Variants in LRRIQ3 observed in about 807,000 individuals in gnomAD.
LRRIQ3 encodes the protein leucine rich repeats and IQ motif containing 3, also known as leucine-rich repeat and IQ domain-containing protein 3.
Under a neutral mutation model 59.3 loss-of-function variants are expected in LRRIQ3, and 75 were observed. That is an observed-to-expected ratio of 1.26 (90% confidence interval 1.05 to 1.53). The LOEUF is 1.53. Among genes scored for constraint, LRRIQ3 ranks in the 40% most tolerant of loss-of-function variants. The pLI is 0.00. For missense variants in LRRIQ3, 831 were observed against 710.0 expected (o/e 1.17, Z -1.94); for synonymous variants, 250 against 231.3 (o/e 1.08, Z -0.73).
At chr1:74,048,613 T>C (rs1240202894) in intron 6 of LRRIQ3, among the ~76,000 whole-genome samples, 2 of 152,196 alleles carry the variant, frequency 1.3e-5, no homozygotes, top group Non-Finnish European at 2.9e-5. Context: ...GCAAATTCTA[T>C]GGAAATTCAG....
At chr1:74,138,502 ATGTC>A (rs767278100) in intron 4 of LRRIQ3, 4 of 984,798 alleles carry the variant, frequency 4.1e-6, no homozygotes, top group Non-Finnish European at 4.8e-6. Flanking sequence ...GTCAAGTTGA[ATGTC>A]TGTTGTCTCA....
intron 3 of LRRIQ3, among the ~76,000 whole-genome samples, chr1:74,179,441 G>A (rs1268028813): frequency 6.6e-6 from 1 of 151,752 alleles, no homozygotes; most frequent in African/African-American, 2.4e-5. Context: ...CTATATTCAA[G>A]CTCTCCTTGA....
chr1:74,036,585 G>A (rs917858668), intron 7 of LRRIQ3, among the ~76,000 whole-genome samples: 10 of 152,064 alleles, frequency 6.6e-5, no homozygotes, highest in African/African-American at 9.7e-5. Flanking sequence ...TAATGTACCC[G>A]AAATTTTAAT....
intron 5 of LRRIQ3, among the ~76,000 whole-genome samples, chr1:74,092,532 A>T (rs1010510646): frequency 1.3e-5 from 2 of 152,018 alleles, no homozygotes; most frequent in African/African-American, 4.8e-5. Context: ...TTCACTTTGG[A>T]AGGCAGGCTA....
At chr1:74,116,168 T>G (rs1298126580) in intron 4 of LRRIQ3, among the ~76,000 whole-genome samples, 1 of 151,894 alleles carries the variant, frequency 6.6e-6, no homozygotes, top group Non-Finnish European at 1.5e-5. Flanking sequence ...GTACCCAATA[T>G]TAGAGAAATG....
chr1:74,033,616 A>C (rs1222500313), intron 7 of LRRIQ3, among the ~76,000 whole-genome samples: 8 of 152,030 alleles, frequency 5.3e-5, no homozygotes, highest in African/African-American at 1.9e-4. Flanking sequence ...CGGTAGGATA[A>C]AGATTGTTGG....
At chr1:74,185,809 G>T (rs1047058765) in intron 1 of LRRIQ3, among the ~76,000 whole-genome samples, 1 of 151,958 alleles carries the variant, frequency 6.6e-6, no homozygotes, top group African/African-American at 2.4e-5. Context: ...CGGACGTGGT[G>T]GCGGGCGCCT....
intron 3 of LRRIQ3, among the ~76,000 whole-genome samples, chr1:74,160,274 T>C (rs1439334199): frequency 6.6e-6 from 1 of 152,080 alleles, no homozygotes; most frequent in Non-Finnish European, 1.5e-5. Context: ...GCTCTATCAA[T>C]ACCTCTGTGC....
Position 74,109,474 on chromosome 1 carries a change from C to A in LRRIQ3, c.787G>T (p.Gly263Trp). 1.3e-6 allele frequency: 2 copies of A among 1,572,286 alleles called. No homozygotes were observed. Among genetic ancestry groups the A allele is most frequent in the South Asian group, 2.4e-5 (2 of 81,658 alleles). The change falls in exon 5 of 8, where the codon GGG becomes TGG. Residue 263 changes from glycine (G) to tryptophan (W), a missense_variant. Coordinates refer to ENST00000354431, the MANE Select transcript of LRRIQ3 (RefSeq NM_001105659.2). ...TCCTTAAGGAGCTTATCTTCATACC[C>A]TTTGGTTATGTAAATCCATTTTGCT... Reference protein sequence around the residue: ...YEAKWIYITKGYEDKLLKDLF... With the variant: ...YEAKWIYITKWYEDKLLKDLF...
At chr1:74,156,101 G>C (rs1161140336) in intron 3 of LRRIQ3, among the ~76,000 whole-genome samples, 1 of 152,078 alleles carries the variant, frequency 6.6e-6, no homozygotes, top group Non-Finnish European at 1.5e-5. Flanking sequence ...GATCATGGGG[G>C]CTGTTCCCTC....
chr1:74,176,439 A>G (rs1649643903), intron 3 of LRRIQ3, among the ~76,000 whole-genome samples: 1 of 151,064 alleles, frequency 6.6e-6, no homozygotes. Flanking sequence ...TTGGCATTGG[A>G]TTTCTTTGGG....
In LRRIQ3 at chr1:74,161,972, C is replaced by T. The variant is rs538054324; in HGVS notation, c.574-6106G>A. ...TGCATTCCCTCCATTAAAGAAGTGACGGCTCTGAAGAAAAACTACATTTGT... is the reference window on the plus strand; with the variant it reads ...TGCATTCCCTCCATTAAAGAAGTGATGGCTCTGAAGAAAAACTACATTTGT... On this transcript the variant is annotated intron_variant, in intron 3 of 7. Transcript: ENST00000354431. Among the ~76,000 whole-genome samples the T allele has an allele frequency of 3.8e-4, 57 of 151,812 alleles. 1 individual carries two copies. The South Asian group carries it at 9.6e-3, about 25-fold the overall frequency.
In LRRIQ3 at chr1:74,142,770, C is replaced by T. The variant is rs575599175; in HGVS notation, c.707+12963G>A. Among the ~76,000 whole-genome samples the T allele has an allele frequency of 2.6e-5, 4 of 152,044 alleles. No homozygotes were observed. The East Asian group carries it at 7.7e-4, about 29-fold the overall frequency. ...TGAATCATTAGGGCATGCGTCAAGG[C>T]CATGCCACTTATTTTTGCAGCTCCT... On this transcript the variant is annotated intron_variant, in intron 4 of 7. Transcript: ENST00000354431.
intron 1 of LRRIQ3, among the ~76,000 whole-genome samples, chr1:74,184,490 C>T (rs1457024288): frequency 6.6e-6 from 1 of 152,062 alleles, no homozygotes; most frequent in East Asian, 1.9e-4. Context: ...ATGGAAGAAT[C>T]GATTTCTACG....
At chr1:74,038,683 T>A (rs113755302) in intron 7 of LRRIQ3, among the ~76,000 whole-genome samples, 15 of 152,284 alleles carry the variant, frequency 9.9e-5, no homozygotes, top group Admixed American at 3.3e-4. Flanking sequence ...AGATGAATAG[T>A]GCTTGAAGCG....
At chr1:74,172,598 C>T (rs533021725) in intron 3 of LRRIQ3, among the ~76,000 whole-genome samples, 20 of 152,092 alleles carry the variant, frequency 1.3e-4, no homozygotes, top group Admixed American at 9.2e-4. Context: ...ATATTTGGCC[C>T]CCAGTGTTAT....
intron 4 of LRRIQ3, among the ~76,000 whole-genome samples, chr1:74,112,391 G>C (rs1646709255): frequency 6.6e-6 from 1 of 152,022 alleles, no homozygotes; most frequent in African/African-American, 2.4e-5. Flanking sequence ...AGACTAAAAA[G>C]GTAAACTGAA....
intron 6 of LRRIQ3, among the ~76,000 whole-genome samples, chr1:74,052,955 C>T (rs978468237): frequency 1.3e-5 from 2 of 151,934 alleles, no homozygotes; most frequent in Admixed American, 1.3e-4. Flanking sequence ...AATTCATATG[C>T]CAAAGAATGT....
At chr1:74,040,348 TTTAATAC>T (rs1654006165) in intron 7 of LRRIQ3, among the ~76,000 whole-genome samples, 1 of 152,186 alleles carries the variant, frequency 6.6e-6, no homozygotes, top group Admixed American at 6.5e-5. Context: ...AGTGGGAGAC[TTTAATAC>T]CCCACTGTCA....
Sources: allele counts gnomAD v4.1 joint callset (sites outside exome capture counted in the v4.1 genomes callset), GRCh38; gene constraint gnomAD v4.1.1; transcripts MANE v1.5; gene names NCBI Gene and HGNC (gene_info 2026-07-23, HGNC 2026-07-21).